The following TMPRSS11E variants were observed in gnomAD, a reference collection of about 807,000 sequenced individuals.
The protein encoded by TMPRSS11E is transmembrane serine protease 11E.
A neutral mutation model predicts 48.1 loss-of-function variants in TMPRSS11E; 38 were observed. The ratio of observed to expected loss-of-function variants is 0.79; its 90% CI spans 0.61 to 1.04. The LOEUF is 1.04. TMPRSS11E is among the 50% of genes least tolerant of loss of function. TMPRSS11E has a pLI of 0.00. For missense variants in TMPRSS11E, 530 were observed against 510.8 expected (o/e 1.04, Z -0.36); for synonymous variants, 158 against 171.9 (o/e 0.92, Z 0.63).
intron 9 of TMPRSS11E, among the ~76,000 whole-genome samples, chr4:68,485,319 G>T (rs1729522169): frequency 6.6e-6 from 1 of 151,924 alleles, no homozygotes; most frequent in Non-Finnish European, 1.5e-5. Flanking sequence ...GCTAATTTTT[G>T]TATTTTTAGT....
chr4:68,488,138 G>A (rs2603159), intron 9 of TMPRSS11E, among the ~76,000 whole-genome samples: 89,784 of 151,622 alleles, frequency 0.59, 27,480 homozygotes, highest in East Asian at 0.83. Context: ...CAAGGCGTCT[G>A]GAGGATGGGT....
chr4:68,467,310 A>C (rs1353837431), intron 3 of TMPRSS11E, among the ~76,000 whole-genome samples: 1 of 152,180 alleles, frequency 6.6e-6, no homozygotes, highest in African/African-American at 2.4e-5. Flanking sequence ...CCCTTAACGC[A>C]TCAACATTCA....
chr4:68,482,590 C>CAAAAAAAAAAAAAAAAA (rs371144994), intron 9 of TMPRSS11E, among the ~76,000 whole-genome samples: 2 of 106,056 alleles, frequency 1.9e-5, no homozygotes, highest in Non-Finnish European at 3.6e-5. Context: ...TGCATCTCCA[C>CAAAAAAAAAAAAAAAAA]AAAAAAAAAA....
chr4:68,491,382 C>T (rs577325005), intron 9 of TMPRSS11E, among the ~76,000 whole-genome samples: 3 of 148,320 alleles, frequency 2.0e-5, no homozygotes, highest in African/African-American at 4.9e-5. Flanking sequence ...GCCCACCTGT[C>T]GTCTTCTCTC....
intron 9 of TMPRSS11E, among the ~76,000 whole-genome samples, chr4:68,491,210 G>A (rs1331766451): frequency 6.7e-6 from 1 of 149,318 alleles, no homozygotes; most frequent in Non-Finnish European, 1.5e-5. Flanking sequence ...ACTAGGGAGA[G>A]CAGGATTTTC....
At chr4:68,484,460 C>G (rs1397529522) in intron 9 of TMPRSS11E, among the ~76,000 whole-genome samples, 1 of 152,118 alleles carries the variant, frequency 6.6e-6, no homozygotes, top group African/African-American at 2.4e-5. Context: ...GCATTCACCA[C>G]CACACATGGC....
chr4:68,475,153 G>C (rs959838464), intron 6 of TMPRSS11E, among the ~76,000 whole-genome samples: 1 of 152,024 alleles, frequency 6.6e-6, no homozygotes, highest in Non-Finnish European at 1.5e-5. Context: ...AAATCTTCTT[G>C]ATGTTATTAA....
At chr4:68,450,720 T>C (rs1728474123) in intron 1 of TMPRSS11E, among the ~76,000 whole-genome samples, 1 of 151,952 alleles carries the variant, frequency 6.6e-6, no homozygotes, top group African/African-American at 2.4e-5. Flanking sequence ...AAAAATGCAT[T>C]GCCTGCCCTT....
intron 9 of TMPRSS11E, among the ~76,000 whole-genome samples, chr4:68,479,413 C>T: frequency 6.6e-6 from 1 of 151,324 alleles, no homozygotes; most frequent in African/African-American, 2.4e-5. Flanking sequence ...AATTTTGGAT[C>T]ATCTATTGGT....
At chr4:68,458,482 A>T (rs1489095473) in intron 1 of TMPRSS11E, among the ~76,000 whole-genome samples, 2 of 152,230 alleles carry the variant, frequency 1.3e-5, no homozygotes, top group Non-Finnish European at 2.9e-5. Flanking sequence ...CAATCAGTCT[A>T]TCTGAAGGTG....
chr4:68,483,475 G>A (rs559153585), intron 9 of TMPRSS11E, among the ~76,000 whole-genome samples: 1 of 152,264 alleles, frequency 6.6e-6, no homozygotes, highest in South Asian at 2.1e-4. Context: ...TTAAAAGGGA[G>A]TTGTTTGTTT....
intron 6 of TMPRSS11E, 44 bp downstream of exon 6, chr4:68,474,805 A>G: frequency 6.6e-7 from 1 of 1,514,482 alleles, no homozygotes; most frequent in Non-Finnish European, 9.0e-7. Flanking sequence ...CTGAAGGTAA[A>G]AAGCTAACAC....
At position 68,453,222 on chromosome 4, in the gene TMPRSS11E, C is replaced by A. The variant is rs140478031; in HGVS notation, c.11+5699C>A. Among the ~76,000 whole-genome samples the A allele has an allele frequency of 3.2e-3, 485 of 152,034 alleles. 5 individuals carry two copies. The highest frequency in any genetic ancestry group is 0.011 in the African/African-American group (457 of 41,520). On this transcript the variant is annotated intron_variant, in intron 1 of 9. Transcript: ENST00000305363. Reference sequence around the variant, plus strand: ...TATTTACTGTGTGCCTGGCATGGTGCCATCTCCCTTGTGTTACTTTATTTA... The same window carrying A: ...TATTTACTGTGTGCCTGGCATGGTGACATCTCCCTTGTGTTACTTTATTTA...
chr4:68,476,590 T>G, intron 7 of TMPRSS11E, 152 bp downstream of exon 7: 1 of 750,460 alleles, frequency 1.3e-6, no homozygotes, highest in Non-Finnish European at 2.0e-6. Flanking sequence ...TAAACATTAG[T>G]AAGAGGTTTT....
At chr4:68,484,897 G>A (rs935599393) in intron 9 of TMPRSS11E, among the ~76,000 whole-genome samples, 3 of 152,180 alleles carry the variant, frequency 2.0e-5, no homozygotes, top group Non-Finnish European at 4.4e-5. Flanking sequence ...TTTGTGAAGA[G>A]AGATAGTTTG....
At position 68,496,777 on chromosome 4, in the gene TMPRSS11E, C is replaced by T; in HGVS notation, c.1245C>T (p.Asp415=). ...ATACTAGAGTTACGGCCTTGCGGGACTGGATTACTTCAAAAACTGGTATCT... is the reference window on the plus strand; with the variant it reads ...ATACTAGAGTTACGGCCTTGCGGGATTGGATTACTTCAAAAACTGGTATCT... ...GVYTRVTALR[D]WITSKTGI Residue 415 remains aspartate, a synonymous_variant, in exon 10 of 10, where the codon GAC becomes GAT. Transcript: ENST00000305363. The T allele has an allele frequency of 6.2e-7, 1 of 1,612,810 alleles. No individual in the cohort carries two copies. Among genetic ancestry groups the T allele is most frequent in the Non-Finnish European group, 8.5e-7 (1 of 1,179,318 alleles).
chr4:68,455,986 A>G (rs1728618486), intron 1 of TMPRSS11E, among the ~76,000 whole-genome samples: 2 of 152,064 alleles, frequency 1.3e-5, no homozygotes, highest in South Asian at 4.1e-4. Flanking sequence ...ATCTGTATGT[A>G]GTTGCAAATT....
intron 7 of TMPRSS11E, among the ~76,000 whole-genome samples, chr4:68,477,079 C>G (rs1345533772): frequency 6.6e-6 from 1 of 151,886 alleles, no homozygotes; most frequent in African/African-American, 2.4e-5. Flanking sequence ...TTATTCTGTA[C>G]AGGGTACTTT....
rs376867140 is a variant in TMPRSS11E, at chr4:68,471,554, G to A, written c.421G>A (p.Val141Ile). The change falls in exon 5 of 10, where the codon GTT becomes ATT. Residue 141 changes from valine to isoleucine, a missense_variant. Val to Ile is a conservative substitution (Grantham distance 29, BLOSUM62 3). Coordinates refer to ENST00000305363, the MANE Select transcript of TMPRSS11E (RefSeq NM_014058.4). ...AACTGTAGATAAAATTGTTCAACTT[G>A]TTTTACATGAAAAGCTGCAAGATGC... Reference protein sequence around the residue: ...PETVDKIVQLVLHEKLQDAVG... With the variant: ...PETVDKIVQLILHEKLQDAVG... 1.6e-5 allele frequency: 26 copies of A among 1,611,004 alleles called. No individual in the cohort carries two copies. In the African/African-American group the frequency reaches 2.9e-4, roughly 18 times the overall value.
Sources: gnomAD v4.1 joint callset for allele counts (sites outside exome capture counted in the v4.1 genomes callset) on GRCh38, gnomAD v4.1.1 for gene constraint, MANE v1.5 for transcripts, NCBI Gene and HGNC (gene_info 2026-07-23, HGNC 2026-07-21) for gene names.